Variants in RB1 observed in about 807,000 individuals in gnomAD.
RB1 encodes retinoblastoma-associated protein.
A neutral mutation model predicts 135.4 loss-of-function variants in RB1; 18 were observed. That is an observed-to-expected ratio of 0.13 (90% confidence interval 0.09 to 0.20). The LOEUF (loss-of-function observed/expected upper bound fraction) is 0.20. RB1 is among the 10% of genes least tolerant of loss of function. RB1 has a pLI of 1.00. For missense variants in RB1, 868 were observed against 1,110.0 expected, an observed-to-expected ratio of 0.78 and a Z score of 3.10; for synonymous variants, 365 against 373.2, an observed-to-expected ratio of 0.98 and a Z score of 0.25.
At chr13:48,362,325 T>A (rs201086716) in intron 7 of RB1, among the ~76,000 whole-genome samples, 4 of 143,984 alleles carry the variant, frequency 2.8e-5, no homozygotes, top group South Asian at 2.2e-4. Context: ...ATTTTTTTTT[T>A]AAATCACAGT....
intron 12 of RB1, 152 bp from the exon 13 acceptor site, chr13:48,376,766 G>A (rs1431875623): frequency 4.5e-6 from 5 of 1,113,400 alleles, no homozygotes; most frequent in Non-Finnish European, 6.4e-6. Context: ...GATATTGTCT[G>A]CTTATGTTCA....
At chr13:48,330,191 A>G (rs1257631169) in intron 2 of RB1, among the ~76,000 whole-genome samples, 1 of 152,124 alleles carries the variant, frequency 6.6e-6, no homozygotes, top group Non-Finnish European at 1.5e-5. Flanking sequence ...CCAATAGGAG[A>G]TTTCATAGTG....
intron 17 of RB1, among the ~76,000 whole-genome samples, chr13:48,401,064 T>C (rs1277267292): frequency 1.3e-5 from 2 of 152,160 alleles, no homozygotes; most frequent in East Asian, 1.9e-4. Flanking sequence ...GAATTTGTTA[T>C]GTTGCTTTAG....
chr13:48,377,403 A>G (rs1566197891), intron 13 of RB1, among the ~76,000 whole-genome samples: 1 of 152,132 alleles, frequency 6.6e-6, no homozygotes, highest in Non-Finnish European at 1.5e-5. Context: ...TTTGTCAGTG[A>G]TATTATTGAG....
At chr13:48,430,614 C>G (rs1193985654) in intron 17 of RB1, among the ~76,000 whole-genome samples, 2 of 152,114 alleles carry the variant, frequency 1.3e-5, no homozygotes, top group East Asian at 3.8e-4. Context: ...GTGGCACGTG[C>G]CTGTAGTCCC....
At chr13:48,309,704 T>G (rs1162173078) in intron 2 of RB1, among the ~76,000 whole-genome samples, 1 of 152,230 alleles carries the variant, frequency 6.6e-6, no homozygotes, top group Non-Finnish European at 1.5e-5. Context: ...ACTGTAGTTT[T>G]CAATTTATAA....
At chr13:48,370,030 G>A (rs1291414200) in intron 11 of RB1, among the ~76,000 whole-genome samples, 2 of 152,158 alleles carry the variant, frequency 1.3e-5, no homozygotes, top group African/African-American at 2.4e-5. Flanking sequence ...GTATAGATAT[G>A]TAAATGGATA....
At position 48,455,163 on chromosome 13, in the gene RB1, G is replaced by A. The variant is rs556778156; in HGVS notation, c.1815-1041G>A. 2.6e-5 allele frequency among the ~76,000 whole-genome samples: 4 copies of A among 152,276 alleles called. No homozygotes were observed. The East Asian group carries it at 7.7e-4, about 29-fold the overall frequency. ...TAGGTTTTACATTGGTTTTATGTTG[G>A]ATTTCAGGAATTTGGAAAATGGAGA... On this transcript the variant is annotated intron_variant, in intron 18 of 26. Transcript: ENST00000267163.
chr13:48,351,743 G>A (rs976344870), intron 6 of RB1, among the ~76,000 whole-genome samples: 8 of 151,560 alleles, frequency 5.3e-5, no homozygotes, highest in South Asian at 4.2e-4. Flanking sequence ...GCACAATCTC[G>A]GCTCACTGCA....
intron 17 of RB1, among the ~76,000 whole-genome samples, chr13:48,386,822 T>C (rs1008811510): frequency 2.6e-5 from 4 of 152,228 alleles, no homozygotes; most frequent in Non-Finnish European, 4.4e-5. Flanking sequence ...CATAATTCAG[T>C]GAACCAGTAT....
intron 17 of RB1, among the ~76,000 whole-genome samples, chr13:48,407,079 C>T (rs900644571): frequency 6.6e-6 from 1 of 152,206 alleles, no homozygotes; most frequent in Non-Finnish European, 1.5e-5. Context: ...TTTGATAGGA[C>T]GATAATGGAA....
chr13:48,343,100 T>C (rs927902400), intron 3 of RB1, among the ~76,000 whole-genome samples: 1 of 152,188 alleles, frequency 6.6e-6, no homozygotes, highest in Non-Finnish European at 1.5e-5. Context: ...TATTAAAGCC[T>C]AAGATTGTTT....
chr13:48,318,744 AG>A, intron 2 of RB1: 4 of 659,406 alleles, frequency 6.1e-6, no homozygotes, highest in Admixed American at 2.2e-5. Flanking sequence ...TGTTTTAGAG[AG>A]GGGGGCCTTG....
intron 17 of RB1, among the ~76,000 whole-genome samples, chr13:48,421,707 G>A (rs191246073): frequency 1.9e-4 from 29 of 152,302 alleles, no homozygotes; most frequent in African/African-American, 6.7e-4. Context: ...AGTGGGTGAA[G>A]GATATGAACT....
At chr13:48,335,481 T>C (rs1952375544) in intron 2 of RB1, among the ~76,000 whole-genome samples, 1 of 152,168 alleles carries the variant, frequency 6.6e-6, no homozygotes, top group Non-Finnish European at 1.5e-5. Flanking sequence ...TATTTTTACT[T>C]GTTAAATTCT....
Position 48,480,798 on chromosome 13 carries a change from C to G in RB1, c.*727C>G, listed in dbSNP as rs1949533981. 4.4e-6 allele frequency: 1 copy of G among 226,864 alleles called. No individual in the cohort carries two copies. Among genetic ancestry groups the G allele is most frequent in the Admixed American group, 5.7e-5 (1 of 17,600 alleles). The allele number at this position is 226,864 out of a possible 1,614,324, so 14.1% of individuals were successfully genotyped here. ...AGAACTTACTGATTATTTTCTTCATCCAACTTATGTTTTTAAATGAGGATT... is the reference window on the plus strand; with the variant it reads ...AGAACTTACTGATTATTTTCTTCATGCAACTTATGTTTTTAAATGAGGATT... On this transcript the variant is annotated 3_prime_UTR_variant, in exon 27 of 27. Coordinates refer to ENST00000267163, the MANE Select transcript of RB1 (RefSeq NM_000321.3).
At chr13:48,345,792 G>A (rs561428975) in intron 4 of RB1, among the ~76,000 whole-genome samples, 2 of 152,242 alleles carry the variant, frequency 1.3e-5, no homozygotes, top group South Asian at 4.1e-4. Flanking sequence ...TTCATTTGCG[G>A]TTAAGAGAAT....
At chr13:48,475,631 T>G (rs1185770936) in intron 24 of RB1, among the ~76,000 whole-genome samples, 1 of 152,216 alleles carries the variant, frequency 6.6e-6, no homozygotes, top group Non-Finnish European at 1.5e-5. Context: ...TTTGGCATAT[T>G]ATTTTGGTTA....
At chr13:48,382,218 A>G (rs1173206852) in intron 17 of RB1, among the ~76,000 whole-genome samples, 7 of 152,174 alleles carry the variant, frequency 4.6e-5, no homozygotes, top group Non-Finnish European at 8.8e-5. Context: ...TCCTTTGGGT[A>G]TATACCCAGT....
Sources: gnomAD v4.1 joint callset for allele counts (sites outside exome capture counted in the v4.1 genomes callset) on GRCh38, gnomAD v4.1.1 for gene constraint, MANE v1.5 for transcripts, NCBI Gene and HGNC (gene_info 2026-07-23, HGNC 2026-07-21) for gene names.